The following MIDEAS variants were observed in gnomAD, a reference collection of about 807,000 sequenced individuals.
MIDEAS encodes mitotic deacetylase-associated SANT domain protein.
A neutral mutation model predicts 102.7 loss-of-function variants in MIDEAS; 26 were observed. The ratio of observed to expected loss-of-function variants is 0.25; its 90% CI spans 0.19 to 0.35. The LOEUF is 0.35. Among genes scored for constraint, MIDEAS ranks in the 10% least tolerant of loss-of-function variants. MIDEAS has a pLI of 1.00. For synonymous variants in MIDEAS, 585 were observed against 591.0 expected (o/e 0.99, Z 0.15); for missense variants, 1,231 against 1,435.6 (o/e 0.86, Z 2.30).
intron 1 of MIDEAS, among the ~76,000 whole-genome samples, chr14:73,785,770 G>C (rs1440074601): frequency 2.0e-5 from 3 of 152,202 alleles, no homozygotes; most frequent in African/African-American, 7.2e-5. Context: ...TCCTGGGATA[G>C]TTTTCAGGCT....
rs930352305 is a variant in MIDEAS at position 73,722,563 on chromosome 14, G to A, written c.2724+135C>T. 5.8e-6 allele frequency: 6 copies of A among 1,028,620 alleles called. No homozygotes were observed. In the African/African-American group the frequency reaches 6.4e-5, roughly 11 times the overall value. 63.7% of individuals were successfully genotyped at this position (1,028,620 alleles called of 1,614,324 possible). A position where few individuals can be genotyped will look rare whatever the true frequency, so the allele number is the denominator to read the frequency against. ...AGAACCCAGCGGTCCAGGGCTCCTT[G>A]CGGCTGTCAGGGACACTGTCTTCCT... On this transcript the variant is annotated intron_variant, in intron 10 of 12. Coordinates refer to ENST00000423556, the MANE Select transcript of MIDEAS (RefSeq NM_001367710.1).
chr14:73,767,607 C>T (rs2053603356), intron 1 of MIDEAS, among the ~76,000 whole-genome samples: 1 of 151,848 alleles, frequency 6.6e-6, no homozygotes, highest in Admixed American at 6.6e-5. Context: ...CACTGCACTC[C>T]AGCCTGAGCA....
At chr14:73,730,174 C>T (rs768095329) in intron 3 of MIDEAS, 189 bp from the exon 4 acceptor site, 2 of 725,444 alleles carry the variant, frequency 2.8e-6, no homozygotes, top group South Asian at 3.0e-5. Flanking sequence ...AGTCAGCAAA[C>T]TTTTTCTGTA....
rs182677962 is a variant in MIDEAS at position 73,715,830 on chromosome 14, A to C, written c.*3013T>G. ...TGATCCCTTTAGACATAAGCAGCAGAAGACCTTGGTGCCAGGGGTGGAGGC... is the reference window on the plus strand; with the variant it reads ...TGATCCCTTTAGACATAAGCAGCAGCAGACCTTGGTGCCAGGGGTGGAGGC... On this transcript the variant is annotated 3_prime_UTR_variant, in exon 13 of 13. Coordinates refer to ENST00000423556, the MANE Select transcript of MIDEAS (RefSeq NM_001367710.1). The C allele has an allele frequency of 5.2e-5, 8 of 152,746 alleles. No individual in the cohort carries two copies. The highest frequency in any genetic ancestry group is 1.9e-4 in the East Asian group (1 of 5,196). The allele number at this position is 152,746 out of a possible 1,614,324, so 9.5% of individuals were successfully genotyped here.
At chr14:73,743,678 T>C (rs1005819714) in intron 1 of MIDEAS, among the ~76,000 whole-genome samples, 27 of 152,266 alleles carry the variant, frequency 1.8e-4, no homozygotes, top group South Asian at 2.1e-4. Context: ...CAAAGGCTGC[T>C]GACCTGTGGG....
upstream of MIDEAS, among the ~76,000 whole-genome samples, chr14:73,761,106 T>C (rs1244955975): frequency 2.0e-5 from 3 of 151,610 alleles, no homozygotes; most frequent in African/African-American, 7.3e-5. Context: ...GCGGCGGCGG[T>C]GGTGGCGGTG....
chr14:73,722,562 T>A, intron 10 of MIDEAS, 136 bp downstream of exon 10: 2 of 1,022,180 alleles, frequency 2.0e-6, no homozygotes, highest in South Asian at 3.1e-5. Flanking sequence ...CAGGGCTCCT[T>A]GCGGCTGTCA....
At chr14:73,727,814 G>A (rs2053084514) in intron 4 of MIDEAS, 3 of 350,624 alleles carry the variant, frequency 8.6e-6, no homozygotes, top group East Asian at 1.1e-4. Context: ...CCTGGCACTC[G>A]ATAAAGATTA....
At chr14:73,724,808 G>A (rs1047278151) in intron 9 of MIDEAS, 1 of 167,206 alleles carries the variant, frequency 6.0e-6, no homozygotes, top group African/African-American at 2.4e-5. Flanking sequence ...TCTAGGGAAT[G>A]TGGGCTTGAA....
chr14:73,770,344 C>T (rs1242930775), intron 1 of MIDEAS, among the ~76,000 whole-genome samples: 3 of 146,158 alleles, frequency 2.1e-5, no homozygotes, highest in East Asian at 2.2e-4. Flanking sequence ...ACAGTAACGA[C>T]GGTGATGATG....
At chr14:73,764,831 C>T (rs924154984), upstream of MIDEAS, among the ~76,000 whole-genome samples, 17 of 152,260 alleles carry the variant, frequency 1.1e-4, no homozygotes, top group African/African-American at 4.1e-4. Flanking sequence ...GCCCTCCCAC[C>T]TGCCCCCTCC....
intron 9 of MIDEAS, chr14:73,723,153 C>CT (rs1307501359): frequency 1.6e-4 from 30 of 189,118 alleles, no homozygotes; most frequent in South Asian, 6.9e-4. Flanking sequence ...ATTTTTTTTT[C>CT]TTTTTTTTGG....
chr14:73,781,075 G>A (rs565157708), intron 1 of MIDEAS, among the ~76,000 whole-genome samples: 8 of 152,142 alleles, frequency 5.3e-5, no homozygotes, highest in African/African-American at 1.7e-4. Flanking sequence ...AATTATCAAT[G>A]CAGGATGGCC....
intron 1 of MIDEAS, among the ~76,000 whole-genome samples, chr14:73,773,050 C>G (rs1375202621): frequency 6.6e-6 from 1 of 152,100 alleles, no homozygotes; most frequent in Non-Finnish European, 1.5e-5. Flanking sequence ...GTTGGCCAGG[C>G]TGGTCTCAAA....
intron 1 of MIDEAS, among the ~76,000 whole-genome samples, chr14:73,767,125 G>C (rs983693335): frequency 2.0e-5 from 3 of 152,204 alleles, no homozygotes; most frequent in African/African-American, 7.2e-5. Context: ...AAAGTGCAGG[G>C]ATTACAGGCG....
rs140123116 is a variant in MIDEAS, at chr14:73,765,316, C to T, written c.-248+21786G>A. On this transcript the variant is annotated intron_variant, in intron 1 of 11. Transcript: ENST00000394071. ...TATGGGGGTGTACAGGTTAAGAGCA[C>T]AGGCTGAGACCTGAGTCCAAATCTT... is the stretch of plus-strand genomic sequence containing the variant. Among the ~76,000 whole-genome samples the T allele has an allele frequency of 9.0e-4, 137 of 152,330 alleles. 1 individual carries two copies. Among genetic ancestry groups the T allele is most frequent in the Middle Eastern group, 3.4e-3 (1 of 294 alleles).
chr14:73,771,279 A>C lies in MIDEAS; in HGVS notation c.-248+15823T>G, dbSNP rs78949812. 2.6e-5 allele frequency among the ~76,000 whole-genome samples: 4 copies of C among 152,336 alleles called. No homozygotes were observed. The East Asian group carries it at 7.7e-4, about 29-fold the overall frequency. The stretch of plus-strand genomic sequence containing the variant: ...GTTTTAGCAAATATACACTGGAGAT[A>C]ACCAGGGCCCCAGCTGGGTCTGGGC... On this transcript the variant is annotated intron_variant, in intron 1 of 11. Transcript: ENST00000394071.
At chr14:73,722,064 G>A (rs1035654288) in intron 10 of MIDEAS, among the ~76,000 whole-genome samples, 3 of 152,162 alleles carry the variant, frequency 2.0e-5, no homozygotes, top group Non-Finnish European at 2.9e-5. Flanking sequence ...TCTGGTTGCT[G>A]CTAATGTGTC....
At chr14:73,745,526 G>A (rs1413817588) in intron 1 of MIDEAS, among the ~76,000 whole-genome samples, 2 of 152,094 alleles carry the variant, frequency 1.3e-5, no homozygotes, top group African/African-American at 4.8e-5. Context: ...AGCACAGCAT[G>A]GCCCAGCTGG....
Sources: allele counts gnomAD v4.1 joint callset (sites outside exome capture counted in the v4.1 genomes callset), GRCh38; gene constraint gnomAD v4.1.1; transcripts MANE v1.5; gene names NCBI Gene and HGNC (gene_info 2026-07-23, HGNC 2026-07-21).